Variants in IGFL4 observed in about 807,000 individuals in gnomAD.
IGFL4 encodes insulin growth factor-like family member 4.
IGFL4 carries 12 observed loss-of-function variants against 15.4 expected under a neutral mutation model. The observed-to-expected ratio is 0.78, with a 90% CI of 0.50 to 1.26. The LOEUF is 1.26. Among genes scored for constraint, IGFL4 ranks in the 50% most tolerant of loss-of-function variants. The pLI is 0.00. For synonymous variants in IGFL4, 54 were observed against 55.9 expected, an observed-to-expected ratio of 0.97 and a Z score of 0.16; for missense variants, 126 against 147.8, an observed-to-expected ratio of 0.85 and a Z score of 0.76.
chr19:46,059,883 T>A (rs916580769), intron 2 of IGFL4: 27 of 152,168 alleles, frequency 1.8e-4, no homozygotes, highest in African/African-American at 6.5e-4. Context: ...GGTAAATTCC[T>A]CTCCTCTTGA....
intron 2 of IGFL4, among the ~76,000 whole-genome samples, chr19:46,050,279 A>T (rs1251245071): frequency 1.3e-5 from 2 of 152,218 alleles, no homozygotes; most frequent in Non-Finnish European, 2.9e-5. Flanking sequence ...CCCCCGAAAG[A>T]TCACACTAGC....
Position 46,040,072 on chromosome 19 carries a change from A to G in IGFL4, c.330+85T>C. ...TGGGAAGGTATGGAACCCAGCAGAG[A>G]CTGCACATCTGGGTGGGACATGGAC... is the stretch of plus-strand genomic sequence containing the variant. On this transcript the variant is annotated intron_variant, in intron 3 of 3. Coordinates refer to ENST00000377697, the MANE Select transcript of IGFL4 (RefSeq NM_001002923.3). The surrounding 1 kb of genome is among the most constrained non-coding windows in gnomAD (Gnocchi z 4.1). 6.5e-7 allele frequency: 1 copy of G among 1,545,832 alleles called. No individual in the cohort carries two copies. The highest frequency in any genetic ancestry group is 1.1e-5 in the South Asian group (1 of 89,348).
intron 1 of IGFL4, among the ~76,000 whole-genome samples, chr19:46,071,807 G>A (rs921017500): frequency 2.0e-5 from 3 of 152,216 alleles, no homozygotes; most frequent in South Asian, 4.1e-4. Context: ...GATCACATGA[G>A]TCCAGGAGTT....
chr19:46,051,604 A>C (rs1254589055), intron 2 of IGFL4, among the ~76,000 whole-genome samples: 1 of 152,144 alleles, frequency 6.6e-6, no homozygotes, highest in Non-Finnish European at 1.5e-5. Context: ...AACATGTAGT[A>C]TTGAGATGTG....
rs555599024 is a variant in IGFL4, at chr19:46,074,059, C to T, written c.-432+2961G>A. Among the ~76,000 whole-genome samples the T allele has an allele frequency of 5.3e-5, 8 of 152,090 alleles. No individual in the cohort carries two copies. In the East Asian group the frequency reaches 1.5e-3, roughly 29 times the overall value. On this transcript the variant is annotated intron_variant, in intron 1 of 5. Coordinates refer to the IGFL4 transcript ENST00000601672. ...TTTCTCCTTCGCACAGTGTTAGCTA[C>T]GATGGCCTGACTGAGCCTGGAGGAT...
At chr19:46,071,851 C>T (rs1969549935) in intron 1 of IGFL4, among the ~76,000 whole-genome samples, 1 of 152,176 alleles carries the variant, frequency 6.6e-6, no homozygotes, top group South Asian at 2.1e-4. Flanking sequence ...CATGGTGAAA[C>T]TCCATCTCTA....
chr19:46,049,127 G>A (rs1225843906), intron 2 of IGFL4, among the ~76,000 whole-genome samples: 1 of 152,158 alleles, frequency 6.6e-6, no homozygotes, highest in Non-Finnish European at 1.5e-5. Flanking sequence ...GAATCTCTCT[G>A]TACAAAAAGA....
At chr19:46,074,740 T>C (rs1359146057) in intron 1 of IGFL4, among the ~76,000 whole-genome samples, 2 of 152,192 alleles carry the variant, frequency 1.3e-5, no homozygotes, top group Non-Finnish European at 2.9e-5. Context: ...TAACATCGGG[T>C]CTGCCTTTCC....
upstream of IGFL4, among the ~76,000 whole-genome samples, chr19:46,077,446 G>A (rs1156583316): frequency 1.3e-5 from 2 of 152,194 alleles, no homozygotes; most frequent in Non-Finnish European, 2.9e-5. The surrounding 1 kb of genome is among the most constrained non-coding windows in gnomAD (Gnocchi z 5.4). Context: ...GAAAAAGACT[G>A]AGGTAGCTCG....
intron 2 of IGFL4, chr19:46,059,041 C>T (rs890404909): frequency 1.3e-5 from 2 of 152,198 alleles, no homozygotes; most frequent in Admixed American, 6.5e-5. Flanking sequence ...CTGTAATTAG[C>T]ATATAATGAG....
intron 2 of IGFL4, among the ~76,000 whole-genome samples, chr19:46,053,359 C>T (rs146118538): frequency 1.3e-5 from 2 of 152,228 alleles, no homozygotes; most frequent in Non-Finnish European, 2.9e-5. Flanking sequence ...GGATTACAGG[C>T]ACCCACCACC....
chr19:46,050,423 C>T (rs899917093), intron 2 of IGFL4, among the ~76,000 whole-genome samples: 4 of 152,040 alleles, frequency 2.6e-5, no homozygotes, highest in African/African-American at 2.4e-5. Flanking sequence ...AAAAAAGATA[C>T]AGGATATGAA....
chr19:46,041,532 A>G (rs1319598519), upstream of IGFL4, among the ~76,000 whole-genome samples: 1 of 152,036 alleles, frequency 6.6e-6, no homozygotes, highest in East Asian at 1.9e-4. Flanking sequence ...GAACAACAAC[A>G]ACAAAAATAG....
chr19:46,052,008 C>T (rs1969349228), intron 2 of IGFL4, among the ~76,000 whole-genome samples: 1 of 152,132 alleles, frequency 6.6e-6, no homozygotes, highest in Non-Finnish European at 1.5e-5. Context: ...GATGTAAATA[C>T]TGAGATAGAC....
intron 2 of IGFL4, among the ~76,000 whole-genome samples, chr19:46,047,356 G>C (rs1032742780): frequency 6.6e-6 from 1 of 152,182 alleles, no homozygotes; most frequent in African/African-American, 2.4e-5. Flanking sequence ...AGAACCAAGA[G>C]CAAACCAACC....
chr19:46,063,515 C>T (rs963700505), intron 1 of IGFL4, among the ~76,000 whole-genome samples: 8 of 152,196 alleles, frequency 5.3e-5, no homozygotes, highest in Non-Finnish European at 1.0e-4. Flanking sequence ...CCTACATGCA[C>T]TTTAAAAGAG....
At chr19:46,059,109 T>C (rs1969420914) in intron 2 of IGFL4, 1 of 152,198 alleles carries the variant, frequency 6.6e-6, no homozygotes, top group Non-Finnish European at 1.5e-5. Flanking sequence ...CGGCTTTTCT[T>C]ACTACAACCT....
At chr19:46,073,803 T>C (rs1412310630) in intron 1 of IGFL4, among the ~76,000 whole-genome samples, 1 of 152,140 alleles carries the variant, frequency 6.6e-6, no homozygotes, top group African/African-American at 2.4e-5. Flanking sequence ...AATCTCAACT[T>C]CTTTTCTGGA....
chr19:46,040,648 T>A lies in IGFL4; in HGVS notation c.20-80A>T. On this transcript the variant is annotated intron_variant, in intron 1 of 3. Coordinates refer to ENST00000377697, the MANE Select transcript of IGFL4 (RefSeq NM_001002923.3). The surrounding 1 kb of genome is among the most constrained non-coding windows in gnomAD (Gnocchi z 4.1). ...GGGGCACAGGATGATGTCTCTGAGCTTCTCTGGTTGCTGTTAACAGCTCAG... is the reference window on the plus strand; with the variant it reads ...GGGGCACAGGATGATGTCTCTGAGCATCTCTGGTTGCTGTTAACAGCTCAG... The A allele has an allele frequency of 6.7e-7, 1 of 1,499,548 alleles. No homozygotes were observed. Among genetic ancestry groups the A allele is most frequent in the Non-Finnish European group, 9.2e-7 (1 of 1,082,234 alleles). The allele number at this position is 1,499,548 out of a possible 1,614,324, so 92.9% of individuals were successfully genotyped here.
Sources: gnomAD v4.1 joint callset for allele counts (sites outside exome capture counted in the v4.1 genomes callset) on GRCh38, gnomAD v4.1.1 for gene constraint, Gnocchi (gnomAD v3.1) non-coding constraint, MANE v1.5 for transcripts, NCBI Gene and HGNC (gene_info 2026-07-23, HGNC 2026-07-21) for gene names.